POLA1: variants seen among roughly 807,000 people sequenced by gnomAD.
POLA1 encodes the protein DNA polymerase alpha catalytic subunit.
Under a neutral mutation model 124.0 loss-of-function variants are expected in POLA1, and 15 were observed. The ratio of observed to expected loss-of-function variants is 0.12; its 90% CI spans 0.08 to 0.19. POLA1 has a LOEUF of 0.19. Ranked by LOEUF, POLA1 falls within the 10% of genes least tolerant of loss-of-function variation. POLA1 has a pLI of 1.00. For missense variants in POLA1, 886 were observed against 1,103.4 expected, an observed-to-expected ratio of 0.80 and a Z score of 2.79; for synonymous variants, 408 against 389.4, an observed-to-expected ratio of 1.05 and a Z score of -0.56.
At position 24,717,337 on chromosome X, in the gene POLA1, G is replaced by A; in HGVS notation, c.754G>A (p.Ala252Thr). Reference sequence around the variant, plus strand: ...TACAGAAGAAGAGCAGGAGTCAGGGGCAATGGAGTTTGAAGATGGTGACTT... The same window carrying A: ...TACAGAAGAAGAGCAGGAGTCAGGGACAATGGAGTTTGAAGATGGTGACTT... ...ESTEEEQESG[A>T]MEFEDGDFDE... The change falls in exon 9 of 37, where the codon GCA becomes ACA. Residue 252 changes from alanine (A) to threonine (T), a missense_variant. Physicochemically the swap from Ala to Thr is moderately conservative, Grantham distance 58. Transcript: ENST00000379068. The A allele has an allele frequency of 8.3e-7, 1 of 1,210,096 alleles. No homozygotes were observed. Among genetic ancestry groups the A allele is most frequent in the Non-Finnish European group, 1.1e-6 (1 of 894,182 alleles).
At chrX:24,985,112 T>C (rs2048467422) in intron 36 of POLA1, among the ~76,000 whole-genome samples, 1 of 112,378 alleles carries the variant, frequency 8.9e-6, no homozygotes, top group Non-Finnish European at 1.9e-5. Context: ...CTATGGTGTC[T>C]CTTCTGTTTA....
intron 26 of POLA1, among the ~76,000 whole-genome samples, chrX:24,750,040 T>C (rs1446895053): frequency 8.9e-6 from 1 of 111,878 alleles, no homozygotes; most frequent in Non-Finnish European, 1.9e-5. Flanking sequence ...GGTTGGCAAA[T>C]GATGGCCATC....
rs764419869 is a variant in POLA1, at chrX:24,986,083, A to G, written c.4262-9722A>G. ...GCTACTCAGGAGGCTGAGGCAGGAGAATCGCTTGAACCCGGGAGGCAGAGG... is the reference window on the plus strand; with the variant it reads ...GCTACTCAGGAGGCTGAGGCAGGAGGATCGCTTGAACCCGGGAGGCAGAGG... On this transcript the variant is annotated intron_variant, in intron 36 of 36. Coordinates refer to ENST00000379068, the MANE Select transcript of POLA1 (RefSeq NM_001330360.2). 6.3e-5 allele frequency among the ~76,000 whole-genome samples: 7 copies of G among 111,851 alleles called. No homozygotes were observed. In the South Asian group the frequency reaches 1.9e-3, roughly 30 times the overall value.
At chrX:24,969,081 G>GC (rs2048266537) in intron 36 of POLA1, among the ~76,000 whole-genome samples, 1 of 110,090 alleles carries the variant, frequency 9.1e-6, no homozygotes, top group African/African-American at 3.3e-5. Flanking sequence ...GGTGGCACAC[G>GC]CCTGTAGTCC....
chrX:24,903,564 A>G (rs1023185030), intron 35 of POLA1, among the ~76,000 whole-genome samples: 1 of 112,271 alleles, frequency 8.9e-6, no homozygotes, highest in Non-Finnish European at 1.9e-5. Context: ...TTCTTAAAAT[A>G]TGACAACATA....
intron 36 of POLA1, among the ~76,000 whole-genome samples, chrX:24,945,981 TG>T (rs2047956289): frequency 9.0e-6 from 1 of 111,637 alleles, no homozygotes; most frequent in Non-Finnish European, 1.9e-5. Context: ...ATGAGCAAAC[TG>T]AAGATGAAAT....
intron 36 of POLA1, among the ~76,000 whole-genome samples, chrX:24,941,474 C>CT (rs772905146): frequency 5.6e-4 from 63 of 112,410 alleles, no homozygotes; most frequent in Non-Finnish European, 1.0e-3. Flanking sequence ...CTTTTGAAGT[C>CT]TAATTATGTC....
At chrX:24,987,793 T>C (rs2048495399) in intron 36 of POLA1, among the ~76,000 whole-genome samples, 1 of 111,186 alleles carries the variant, frequency 9.0e-6, no homozygotes, top group South Asian at 3.9e-4. Flanking sequence ...GAAAGGGTGT[T>C]ACGAGAATCT....
intron 31 of POLA1, among the ~76,000 whole-genome samples, chrX:24,825,544 T>A (rs2046159096): frequency 8.9e-6 from 1 of 112,523 alleles, no homozygotes; most frequent in Non-Finnish European, 1.9e-5. Context: ...TAAATTCTGT[T>A]TCAGATGAGA....
intron 35 of POLA1, among the ~76,000 whole-genome samples, chrX:24,905,433 G>A (rs1425369594): frequency 1.2e-5 from 1 of 86,367 alleles, no homozygotes; most frequent in South Asian, 6.2e-4. Context: ...GGGTGGGGGT[G>A]GGGGAGGAGA....
intron 32 of POLA1, among the ~76,000 whole-genome samples, chrX:24,831,873 C>T (rs1394005651): frequency 1.8e-5 from 2 of 112,302 alleles, no homozygotes; most frequent in African/African-American, 6.5e-5. Context: ...TCCAGTGGCT[C>T]ATGCTCCCAG....
intron 36 of POLA1, among the ~76,000 whole-genome samples, chrX:24,977,370 C>T (rs1179617818): frequency 8.9e-6 from 1 of 112,638 alleles, no homozygotes; most frequent in Non-Finnish European, 1.9e-5. Flanking sequence ...CTACTGTCAT[C>T]TTTTTTAGTG....
rs1390705276 is a variant in POLA1 at position 24,739,460 on chromosome X, G to A, written c.2126G>A (p.Cys709Tyr). The change falls in exon 20 of 37, where the codon TGT becomes TAT. Residue 709 changes from cysteine to tyrosine, a missense_variant. Physicochemically the swap from Cys to Tyr is radical, Grantham distance 194. Coordinates refer to ENST00000379068, the MANE Select transcript of POLA1 (RefSeq NM_001330360.2). ...VEISAKELIR[C>Y]KSYHLSELVQ... ...ATTTCAGCAAAGGAATTGATTCGTTGTAAAAGCTACCATCTGTCTGAACTT... is the reference window on the plus strand; with the variant it reads ...ATTTCAGCAAAGGAATTGATTCGTTATAAAAGCTACCATCTGTCTGAACTT... 1.7e-6 allele frequency: 2 copies of A among 1,190,674 alleles called. No individual in the cohort carries two copies. Among genetic ancestry groups the A allele is most frequent in the Non-Finnish European group, 2.3e-6 (2 of 878,721 alleles).
intron 10 of POLA1, among the ~76,000 whole-genome samples, chrX:24,722,421 A>G (rs1930257003): frequency 8.9e-6 from 1 of 112,653 alleles, no homozygotes; most frequent in Non-Finnish European, 1.9e-5. Context: ...ATAAACACTT[A>G]CCTAGTTAGA....
rs749331839 is a variant in POLA1 at position 24,789,021 on chromosome X, C to T, written c.2965-20877C>T. On this transcript the variant is annotated intron_variant, in intron 26 of 36. Coordinates refer to ENST00000379068, the MANE Select transcript of POLA1 (RefSeq NM_001330360.2). The stretch of plus-strand genomic sequence containing the variant: ...ATGTAGCTCTTGTCCGCCAGGTAAT[C>T]GTTGAGCACCTGGAGGCCGGCGGGG... 3.3e-5 allele frequency: 40 copies of T among 1,207,872 alleles called. No homozygotes were observed. The South Asian group carries it at 5.3e-4, about 16-fold the overall frequency.
intron 2 of POLA1, among the ~76,000 whole-genome samples, chrX:24,702,127 C>T (rs1928486744): frequency 9.7e-6 from 1 of 102,641 alleles, no homozygotes; most frequent in African/African-American, 3.6e-5. Context: ...AGTGCATGAT[C>T]TCGGCTCACT....
At chrX:24,741,634 A>G in intron 21 of POLA1, 130 bp downstream of exon 21, 1 of 601,742 alleles carries the variant, frequency 1.7e-6, no homozygotes, top group Non-Finnish European at 2.6e-6. Context: ...TGAAAGCTGG[A>G]TTTCTTTTGT....
chrX:24,869,293 T>C (rs2046835989), intron 34 of POLA1, among the ~76,000 whole-genome samples: 1 of 112,401 alleles, frequency 8.9e-6, no homozygotes, highest in South Asian at 3.7e-4. Context: ...GTCTTACATG[T>C]TGCTCACAGT....
intron 26 of POLA1, among the ~76,000 whole-genome samples, chrX:24,790,668 C>G (rs972827878): frequency 9.1e-6 from 1 of 110,259 alleles, no homozygotes; most frequent in African/African-American, 3.3e-5. Context: ...TCAACTGCAG[C>G]TTCATCTTTC....
Sources: gnomAD v4.1 joint callset for allele counts (sites outside exome capture counted in the v4.1 genomes callset) on GRCh38, gnomAD v4.1.1 for gene constraint, MANE v1.5 for transcripts, NCBI Gene and HGNC (gene_info 2026-07-23, HGNC 2026-07-21) for gene names.